Variants in SLC27A2 observed in about 807,000 individuals in gnomAD.
SLC27A2 encodes long-chain fatty acid transport protein 2.
Under a neutral mutation model 60.0 loss-of-function variants are expected in SLC27A2, and 54 were observed. The observed-to-expected ratio is 0.90, with a 90% CI of 0.72 to 1.13. The LOEUF is 1.13. SLC27A2 is among the 50% of genes most tolerant of loss of function. The pLI is 0.00. For synonymous variants in SLC27A2, 297 were observed against 297.6 expected, an observed-to-expected ratio of 1.00 and a Z score of 0.02; for missense variants, 739 against 777.6, an observed-to-expected ratio of 0.95 and a Z score of 0.59.
chr15:50,188,426 G>A (rs2044943287), intron 1 of SLC27A2, among the ~76,000 whole-genome samples: 1 of 152,128 alleles, frequency 6.6e-6, no homozygotes, highest in Admixed American at 6.5e-5. Context: ...TCCAAAGAAT[G>A]GCCAACAGCA....
At position 50,182,880 on chromosome 15, in the gene SLC27A2, G is replaced by A. The variant is rs750780588; in HGVS notation, c.453G>A (p.Gly151=). The A allele has an allele frequency of 1.1e-5, 18 of 1,610,356 alleles. No homozygotes were observed. The highest frequency in any genetic ancestry group is 1.6e-4 in the Middle Eastern group (1 of 6,070). ...KSLLHCFQCC[G]AKVLLVSPEL... ...TGCTGCACTGCTTCCAGTGCTGCGG[G>A]GCGAAGGTGCTGCTGGTGTCGCCAG... Residue 151 remains glycine, a synonymous_variant, in exon 1 of 10, where the codon GGG becomes GGA. Transcript: ENST00000267842.
intron 2 of SLC27A2, among the ~76,000 whole-genome samples, chr15:50,199,669 C>G (rs1372136420): frequency 6.6e-6 from 1 of 152,090 alleles, no homozygotes; most frequent in Non-Finnish European, 1.5e-5. Context: ...TGGCTCACAT[C>G]TACAATCTCA....
At chr15:50,195,316 A>AC (rs1038378332) in intron 1 of SLC27A2, among the ~76,000 whole-genome samples, 3 of 124,972 alleles carry the variant, frequency 2.4e-5, no homozygotes, top group Admixed American at 8.2e-5. Context: ...AATATGAAAA[A>AC]AAAAAAAAAA....
intron 4 of SLC27A2, among the ~76,000 whole-genome samples, chr15:50,214,011 TAAATG>T (rs1418957502): frequency 5.3e-5 from 8 of 150,564 alleles, no homozygotes; most frequent in African/African-American, 1.7e-4. Context: ...AAAAAAAAGA[TAAATG>T]AAACAAAAAG....
At chr15:50,197,464 T>G in intron 1 of SLC27A2, 36 bp from the exon 2 acceptor site, 14 of 1,479,292 alleles carry the variant, frequency 9.5e-6, no homozygotes, top group African/African-American at 1.4e-5. Context: ...AATAGACTGA[T>G]TTAGTTTGTT....
At chr15:50,206,143 C>T (rs913550622) in intron 4 of SLC27A2, among the ~76,000 whole-genome samples, 9 of 152,084 alleles carry the variant, frequency 5.9e-5, no homozygotes, top group Admixed American at 1.3e-4. Flanking sequence ...AATTCTTTGC[C>T]GCGCGGACTT....
chr15:50,199,378 G>A (rs2045047254), intron 2 of SLC27A2, among the ~76,000 whole-genome samples: 1 of 151,450 alleles, frequency 6.6e-6, no homozygotes, highest in African/African-American at 2.4e-5. Context: ...GGAGGCTGAA[G>A]CAGGAGAATG....
intron 9 of SLC27A2, among the ~76,000 whole-genome samples, chr15:50,235,392 G>A (rs946169719): frequency 9.2e-5 from 14 of 152,228 alleles, no homozygotes; most frequent in African/African-American, 3.1e-4. Context: ...ATATCCTAGC[G>A]GTACCTGAAG....
At chr15:50,205,809 G>T (rs989159968) in intron 4 of SLC27A2, among the ~76,000 whole-genome samples, 3 of 152,090 alleles carry the variant, frequency 2.0e-5, no homozygotes, top group Non-Finnish European at 4.4e-5. Context: ...TCCTTCCTTG[G>T]CTGTAATATC....
intron 4 of SLC27A2, among the ~76,000 whole-genome samples, chr15:50,216,610 G>GTGTGTGTGTA (rs1323910367): frequency 7.5e-5 from 5 of 66,492 alleles, no homozygotes; most frequent in Non-Finnish European, 8.9e-5. Flanking sequence ...GTGTGTGTGT[G>GTGTGTGTGTA]TATATATATA....
chr15:50,191,316 A>G (rs981738150), intron 1 of SLC27A2, among the ~76,000 whole-genome samples: 2 of 152,180 alleles, frequency 1.3e-5, no homozygotes, highest in Admixed American at 1.3e-4. Context: ...CTCACTCTTC[A>G]GCTGCTGGGA....
Sources: gnomAD v4.1 joint callset for allele counts (sites outside exome capture counted in the v4.1 genomes callset) on GRCh38, gnomAD v4.1.1 for gene constraint, MANE v1.5 for transcripts, NCBI Gene and HGNC (gene_info 2026-07-23, HGNC 2026-07-21) for gene names.